Variants in ALPK1 observed in about 807,000 individuals in gnomAD.
ALPK1 encodes the protein alpha kinase 1.
A neutral mutation model predicts 120.6 loss-of-function variants in ALPK1; 110 were observed. The observed-to-expected ratio is 0.91, with a 90% CI of 0.78 to 1.07. The LOEUF (loss-of-function observed/expected upper bound fraction) is 1.07. Among genes scored for constraint, ALPK1 ranks in the 50% least tolerant of loss-of-function variants. The pLI, the probability that ALPK1 is intolerant of heterozygous loss-of-function variation, is 0.00. For synonymous variants in ALPK1, 582 were observed against 560.3 expected (o/e 1.04, Z -0.55); for missense variants, 1,498 against 1,483.9 (o/e 1.01, Z -0.16).
intron 4 of ALPK1, among the ~76,000 whole-genome samples, chr4:112,401,662 G>A (rs1732919918): frequency 2.0e-5 from 3 of 152,174 alleles, no homozygotes; most frequent in Admixed American, 1.3e-4. Context: ...GAGGTAAGGT[G>A]TGCAGGTCCC....
intron 2 of ALPK1, among the ~76,000 whole-genome samples, chr4:112,374,371 C>A (rs1296944624): frequency 1.3e-5 from 2 of 152,168 alleles, no homozygotes; most frequent in Admixed American, 6.5e-5. Flanking sequence ...AATTCTAGTT[C>A]TCTTGCTATT....
At chr4:112,343,014 C>A (rs1284632202) in intron 2 of ALPK1, 1 of 152,698 alleles carries the variant, frequency 6.5e-6, no homozygotes, top group African/African-American at 2.4e-5. Context: ...CCCTTCAGCT[C>A]CCCAGTCCTG....
intron 2 of ALPK1, among the ~76,000 whole-genome samples, chr4:112,353,373 A>G (rs1730450230): frequency 6.6e-6 from 1 of 152,182 alleles, no homozygotes; most frequent in African/African-American, 2.4e-5. Flanking sequence ...AAAGATTCTT[A>G]TACATAGCCC....
intron 2 of ALPK1, among the ~76,000 whole-genome samples, chr4:112,341,929 T>C (rs2148706407): frequency 6.6e-6 from 1 of 152,330 alleles, no homozygotes; most frequent in African/African-American, 2.4e-5. Context: ...CACAGGTTTC[T>C]CCAGCCAGCG....
At chr4:112,435,124 C>A (rs1025787807) in intron 11 of ALPK1, 24 bp from the exon 12 acceptor site, 1 of 1,593,970 alleles carries the variant, frequency 6.3e-7, no homozygotes, top group African/African-American at 1.4e-5. Context: ...AAATAAGATT[C>A]ATTTTCATCT....
chr4:112,346,271 T>C (rs1730098270), intron 2 of ALPK1, among the ~76,000 whole-genome samples: 1 of 152,234 alleles, frequency 6.6e-6, no homozygotes, highest in African/African-American at 2.4e-5. Flanking sequence ...TCAGAAATCA[T>C]GGGACTTTGA....
At chr4:112,308,128 G>A (rs1728203808) in intron 1 of ALPK1, among the ~76,000 whole-genome samples, 1 of 152,112 alleles carries the variant, frequency 6.6e-6, no homozygotes, top group South Asian at 2.1e-4. Flanking sequence ...CTGTTAGTCT[G>A]ATGGGCTTCC....
At chr4:112,376,918 T>C (rs772213998) in intron 2 of ALPK1, among the ~76,000 whole-genome samples, 1 of 152,226 alleles carries the variant, frequency 6.6e-6, no homozygotes, top group Non-Finnish European at 1.5e-5. Flanking sequence ...AATTGAATAA[T>C]GTTTTTCTAT....
At chr4:112,309,343 G>A (rs1445993618) in intron 1 of ALPK1, among the ~76,000 whole-genome samples, 2 of 152,172 alleles carry the variant, frequency 1.3e-5, no homozygotes, top group Non-Finnish European at 2.9e-5. Context: ...CCTGCCCCCA[G>A]AGGTAGAGTC....
rs140218920 is a variant in ALPK1 at position 112,409,960 on chromosome 4, A to G, written c.277-1867A>G. 9.7e-3 allele frequency among the ~76,000 whole-genome samples: 1,478 copies of G among 152,360 alleles called. 20 individuals are homozygous for G. The highest frequency in any genetic ancestry group is 0.034 in the African/African-American group (1,405 of 41,582). On this transcript the variant is annotated intron_variant, in intron 4 of 15. Transcript: ENST00000650871. ...TAATAAACACATTGGCAGTTTAAAA[A>G]TCTTAACATGTTAAGTAAGCATCAG...
chr4:112,302,675 C>T (rs1578442473), intron 1 of ALPK1, among the ~76,000 whole-genome samples: 1 of 152,184 alleles, frequency 6.6e-6, no homozygotes, highest in Non-Finnish European at 1.5e-5. Context: ...AGGACGCTGC[C>T]TTCTCAGCCC....
rs187773273 is a variant in ALPK1 at position 112,434,573 on chromosome 4, G to A, written c.3035-575G>A. Among the ~76,000 whole-genome samples the A allele has an allele frequency of 1.4e-4, 21 of 152,330 alleles. No homozygotes were observed. The East Asian group carries it at 3.9e-3, about 28-fold the overall frequency. On this transcript the variant is annotated intron_variant, in intron 11 of 15. Transcript: ENST00000650871. ...TCTTCCTTTCTATAAGGTGGAGACT[G>A]CCCCTACTTTTTCCTCTTATGTTTT... is the stretch of plus-strand genomic sequence containing the variant.
intron 2 of ALPK1, among the ~76,000 whole-genome samples, chr4:112,337,337 T>G (rs898507853): frequency 1.6e-4 from 25 of 152,330 alleles, no homozygotes; most frequent in African/African-American, 6.0e-4. Context: ...ATAGTTTTGG[T>G]GGCATTAAGT....
At chr4:112,358,630 G>A (rs965182391) in intron 2 of ALPK1, 107 of 719,598 alleles carry the variant, frequency 1.5e-4, no homozygotes, top group Admixed American at 4.0e-4. Context: ...GGGCTGGGGG[G>A]CCCTGGCGAG....
rs145034070 is a variant in ALPK1, at chr4:112,387,107, G to A, written c.276+4555G>A. Among the ~76,000 whole-genome samples the A allele has an allele frequency of 9.0e-4, 137 of 152,298 alleles. 1 individual carries two copies. The East Asian group carries it at 0.026, about 29-fold the overall frequency. Reference sequence around the variant, plus strand: ...CTGTTTAGCTCAGCTTTGGGCCATGGCGGTGGAGTGCTAGCTAGGAAAACC... The same window carrying A: ...CTGTTTAGCTCAGCTTTGGGCCATGACGGTGGAGTGCTAGCTAGGAAAACC... On this transcript the variant is annotated intron_variant, in intron 4 of 15. Coordinates refer to ENST00000650871, the MANE Select transcript of ALPK1 (RefSeq NM_025144.4).
At chr4:112,385,530 G>A (rs78652663) in intron 4 of ALPK1, among the ~76,000 whole-genome samples, 3,130 of 152,172 alleles carry the variant, frequency 0.021, 63 homozygotes, top group East Asian at 0.078. Context: ...TTAAGCAACC[G>A]CACCTCCTAA....
At chr4:112,387,451 C>A (rs1221605403) in intron 4 of ALPK1, among the ~76,000 whole-genome samples, 1 of 152,116 alleles carries the variant, frequency 6.6e-6, no homozygotes, top group Non-Finnish European at 1.5e-5. Flanking sequence ...TGCTGTCAGT[C>A]AGCCCTGGAT....
chr4:112,390,137 C>T (rs192751649), intron 4 of ALPK1, among the ~76,000 whole-genome samples: 1 of 152,334 alleles, frequency 6.6e-6, no homozygotes, highest in East Asian at 1.9e-4. Flanking sequence ...AAATGAGGCC[C>T]ATGGGCCCTG....
chr4:112,358,290 T>G, intron 2 of ALPK1: 3 of 598,880 alleles, frequency 5.0e-6, no homozygotes, highest in South Asian at 1.6e-5. Flanking sequence ...TACGTCAGGG[T>G]GTACAACTTC....
Sources: allele counts gnomAD v4.1 joint callset (sites outside exome capture counted in the v4.1 genomes callset), GRCh38; gene constraint gnomAD v4.1.1; transcripts MANE v1.5; gene names NCBI Gene and HGNC (gene_info 2026-07-23, HGNC 2026-07-21).